Variants in MTUS2 observed in about 807,000 individuals in gnomAD.
MTUS2 encodes microtubule associated scaffold protein 2, also known as microtubule-associated tumor suppressor candidate 2.
In MTUS2, 40 loss-of-function variants were observed where a neutral mutation model predicts 114.1. The ratio of observed to expected loss-of-function variants is 0.35; its 90% CI spans 0.27 to 0.46. The LOEUF is 0.46. MTUS2 is among the 20% of genes least tolerant of loss of function. The probability of loss-of-function intolerance (pLI) is 1.00; values close to 1 mark genes in which losing one functional copy is unlikely to be tolerated. For missense variants in MTUS2, 1,679 were observed against 1,705.4 expected, an observed-to-expected ratio of 0.98 and a Z score of 0.27; for synonymous variants, 688 against 672.0, an observed-to-expected ratio of 1.02 and a Z score of -0.37.
intron 1 of MTUS2, among the ~76,000 whole-genome samples, chr13:28,832,677 TTA>T (rs1158471225): frequency 2.0e-5 from 3 of 147,688 alleles, no homozygotes; most frequent in Admixed American, 6.8e-5. Context: ...ATATTTAAAA[TTA>T]TATATTTATA....
intron 5 of MTUS2, among the ~76,000 whole-genome samples, chr13:29,180,508 A>G (rs1450089317): frequency 6.6e-6 from 1 of 152,246 alleles, no homozygotes; most frequent in Non-Finnish European, 1.5e-5. Flanking sequence ...GGAAAAGTAC[A>G]TGAACTGTTT....
chr13:29,261,477 A>G (rs1328543690), intron 5 of MTUS2, among the ~76,000 whole-genome samples: 1 of 152,244 alleles, frequency 6.6e-6, no homozygotes, highest in African/African-American at 2.4e-5. Context: ...AGTATCTGAC[A>G]TGTAATAATC....
intron 8 of MTUS2, among the ~76,000 whole-genome samples, chr13:29,398,305 G>A (rs546929249): frequency 3.3e-5 from 5 of 151,702 alleles, no homozygotes; most frequent in Non-Finnish European, 7.4e-5. Flanking sequence ...TAGTAAAAAT[G>A]CAAAATTTAG....
At chr13:28,997,244 A>G (rs1348534362) in intron 2 of MTUS2, among the ~76,000 whole-genome samples, 1 of 152,180 alleles carries the variant, frequency 6.6e-6, no homozygotes, top group Non-Finnish European at 1.5e-5. Flanking sequence ...GTTTGATTGC[A>G]CTGTGGTCTG....
At chr13:28,872,606 C>T (rs898937487) in intron 2 of MTUS2, among the ~76,000 whole-genome samples, 1 of 152,146 alleles carries the variant, frequency 6.6e-6, no homozygotes, top group African/African-American at 2.4e-5. Context: ...ACAGAGATCA[C>T]ATGGCAAGAG....
intron 5 of MTUS2, among the ~76,000 whole-genome samples, chr13:29,265,306 C>G (rs1897627784): frequency 1.3e-5 from 2 of 152,192 alleles, no homozygotes. Context: ...AGTTTGTCAG[C>G]CTAGATTTCA....
intron 2 of MTUS2, among the ~76,000 whole-genome samples, chr13:28,856,526 C>T (rs1325613544): frequency 6.6e-6 from 1 of 152,078 alleles, no homozygotes; most frequent in Non-Finnish European, 1.5e-5. Flanking sequence ...GAAGCCCAAG[C>T]GATAATGGGC....
At chr13:28,879,082 ATGT>A (rs1878131387) in intron 2 of MTUS2, among the ~76,000 whole-genome samples, 2 of 152,092 alleles carry the variant, frequency 1.3e-5, no homozygotes, top group African/African-American at 4.8e-5. Context: ...GTGATCAATG[ATGT>A]TGAGCTTTTT....
chr13:28,900,767 A>G (rs1356223083), intron 2 of MTUS2, among the ~76,000 whole-genome samples: 1 of 152,234 alleles, frequency 6.6e-6, no homozygotes, highest in East Asian at 1.9e-4. Context: ...ATAACAAAGC[A>G]CTACAAACTA....
intron 2 of MTUS2, among the ~76,000 whole-genome samples, chr13:29,002,754 G>C (rs1439765810): frequency 6.6e-6 from 1 of 152,154 alleles, no homozygotes; most frequent in African/African-American, 2.4e-5. Context: ...GATTACTTTT[G>C]ATGCACTCTT....
intron 2 of MTUS2, among the ~76,000 whole-genome samples, chr13:28,905,680 A>G (rs1339620262): frequency 1.3e-5 from 2 of 151,582 alleles, no homozygotes; most frequent in Non-Finnish European, 2.9e-5. Flanking sequence ...GGATTTTTGC[A>G]TCAATGTTCA....
chr13:29,054,842 T>C (rs1888058180), intron 4 of MTUS2, among the ~76,000 whole-genome samples: 1 of 152,144 alleles, frequency 6.6e-6, no homozygotes, highest in African/African-American at 2.4e-5. Context: ...GCCCAGAGTC[T>C]ATTTAGTAGT....
intron 9 of MTUS2, among the ~76,000 whole-genome samples, chr13:29,465,391 G>A (rs961147828): frequency 2.9e-4 from 44 of 152,200 alleles, no homozygotes; most frequent in African/African-American, 1.0e-3. Flanking sequence ...TCAAGCTCCA[G>A]TGCATTGGAC....
At chr13:29,048,333 G>A (rs947119200) in intron 4 of MTUS2, among the ~76,000 whole-genome samples, 3 of 152,144 alleles carry the variant, frequency 2.0e-5, no homozygotes, top group South Asian at 2.1e-4. Context: ...TCTATCAACT[G>A]TGTCATTTCT....
At chr13:28,932,411 G>A (rs1015378594) in intron 2 of MTUS2, among the ~76,000 whole-genome samples, 1 of 152,210 alleles carries the variant, frequency 6.6e-6, no homozygotes, top group Non-Finnish European at 1.5e-5. Flanking sequence ...AGAGACTTGA[G>A]CATCTGTAGA....
intron 5 of MTUS2, among the ~76,000 whole-genome samples, chr13:29,141,409 G>A (rs1360857869): frequency 3.3e-5 from 5 of 152,158 alleles, no homozygotes; most frequent in Admixed American, 6.5e-5. Context: ...AGTAGAGGAC[G>A]TTTTCGGGCA....
chr13:28,928,911 ATG>A (rs892289959), intron 2 of MTUS2, among the ~76,000 whole-genome samples: 6 of 152,048 alleles, frequency 3.9e-5, no homozygotes, highest in Admixed American at 1.3e-4. Context: ...ATGTGTGCGT[ATG>A]TGTGTGTGTG....
chr13:28,968,262 G>A (rs1883691364), intron 2 of MTUS2, among the ~76,000 whole-genome samples: 1 of 152,012 alleles, frequency 6.6e-6, no homozygotes, highest in South Asian at 2.1e-4. Context: ...TGTGAGGCTG[G>A]CCAAAGTACA....
intron 8 of MTUS2, among the ~76,000 whole-genome samples, chr13:29,396,337 G>A (rs1373743268): frequency 6.6e-6 from 1 of 152,158 alleles, no homozygotes; most frequent in Non-Finnish European, 1.5e-5. Context: ...GTAGAGGTAA[G>A]TGCTGTGTTG....
Sources: allele counts gnomAD v4.1 joint callset (sites outside exome capture counted in the v4.1 genomes callset), GRCh38; gene constraint gnomAD v4.1.1; transcripts MANE v1.5; gene names NCBI Gene and HGNC (gene_info 2026-07-23, HGNC 2026-07-21).